Variants in GPD1L observed in about 807,000 individuals in gnomAD.
GPD1L encodes the protein glycerol-3-phosphate dehydrogenase 1-like protein.
Under a neutral mutation model 32.9 loss-of-function variants are expected in GPD1L, and 17 were observed. The ratio of observed to expected loss-of-function variants is 0.52; its 90% CI spans 0.35 to 0.78. The LOEUF (loss-of-function observed/expected upper bound fraction) is 0.78, where lower values mean the gene tolerates loss of function less well. GPD1L is among the 30% of genes least tolerant of loss of function. GPD1L has a pLI of 0.01. For synonymous variants in GPD1L, 187 were observed against 165.9 expected, an observed-to-expected ratio of 1.13 and a Z score of -0.98; for missense variants, 361 against 447.8, an observed-to-expected ratio of 0.81 and a Z score of 1.75.
chr3:32,121,483 TTC>T (rs1559570418), intron 1 of GPD1L, among the ~76,000 whole-genome samples: 14 of 139,878 alleles, frequency 1.0e-4, no homozygotes, highest in Non-Finnish European at 1.7e-4. Context: ...CTATATATAT[TTC>T]TCTCTATATA....
At chr3:32,138,131 C>G (rs1258722454) in intron 2 of GPD1L, among the ~76,000 whole-genome samples, 1 of 152,242 alleles carries the variant, frequency 6.6e-6, no homozygotes, top group African/African-American at 2.4e-5. Context: ...TGACCTGTCT[C>G]TCCTCCCATC....
At chr3:32,111,255 T>G (rs1700241994) in intron 1 of GPD1L, among the ~76,000 whole-genome samples, 2 of 152,208 alleles carry the variant, frequency 1.3e-5, no homozygotes, top group Non-Finnish European at 1.5e-5. Flanking sequence ...CAGGGCTGTA[T>G]TTACAGCCAA....
intron 5 of GPD1L, among the ~76,000 whole-genome samples, chr3:32,147,808 T>A (rs1357705923): frequency 6.6e-6 from 1 of 152,202 alleles, no homozygotes; most frequent in Non-Finnish European, 1.5e-5. Flanking sequence ...CTGTCTATGC[T>A]TTCTCATAAA....
chr3:32,114,796 G>A (rs1018880749), intron 1 of GPD1L, among the ~76,000 whole-genome samples: 1 of 152,134 alleles, frequency 6.6e-6, no homozygotes, highest in Non-Finnish European at 1.5e-5. Flanking sequence ...CTTCCAGTGG[G>A]TTCGTGGTCT....
intron 7 of GPD1L, among the ~76,000 whole-genome samples, chr3:32,165,250 T>C (rs1199478759): frequency 6.6e-6 from 1 of 152,206 alleles, no homozygotes; most frequent in Non-Finnish European, 1.5e-5. Flanking sequence ...ATTATTTCTT[T>C]AGTGATTTTT....
At chr3:32,157,203 G>A (rs1026156977) in intron 5 of GPD1L, among the ~76,000 whole-genome samples, 1 of 151,420 alleles carries the variant, frequency 6.6e-6, no homozygotes, top group African/African-American at 2.4e-5. Context: ...TGCTGTGAAC[G>A]GAAGCTTGTG....
At chr3:32,165,122 C>T (rs1419306524) in intron 7 of GPD1L, among the ~76,000 whole-genome samples, 1 of 152,164 alleles carries the variant, frequency 6.6e-6, no homozygotes. Context: ...AGCAGAATCG[C>T]TTGAATCCAG....
intron 1 of GPD1L, among the ~76,000 whole-genome samples, chr3:32,110,769 A>G (rs1053791768): frequency 9.8e-5 from 15 of 152,366 alleles, no homozygotes; most frequent in Admixed American, 6.5e-4. Flanking sequence ...GGGACTTCCT[A>G]ACCTGCATGA....
intron 7 of GPD1L, among the ~76,000 whole-genome samples, chr3:32,160,745 TGA>T (rs1411018592): frequency 2.6e-5 from 4 of 152,120 alleles, no homozygotes; most frequent in Non-Finnish European, 5.9e-5. Context: ...GCCACCTGAT[TGA>T]GAGAGTGAGC....
chr3:32,163,358 C>T (rs928128065), intron 7 of GPD1L, among the ~76,000 whole-genome samples: 65 of 151,808 alleles, frequency 4.3e-4, no homozygotes, highest in East Asian at 2.9e-3. Flanking sequence ...TTAGTAGAGA[C>T]GGGGTTTCAC....
chr3:32,157,574 G>A (rs1184023973), intron 5 of GPD1L, among the ~76,000 whole-genome samples: 1 of 152,196 alleles, frequency 6.6e-6, no homozygotes, highest in African/African-American at 2.4e-5. Flanking sequence ...CATACCTGTT[G>A]AAACGGAATT....
chr3:32,163,529 A>G (rs1490329776), intron 7 of GPD1L, among the ~76,000 whole-genome samples: 1 of 152,100 alleles, frequency 6.6e-6, no homozygotes, highest in East Asian at 1.9e-4. Context: ...CTCTAACTTT[A>G]TTTAGAGAGT....
chr3:32,158,624 C>T (rs1701027149), intron 5 of GPD1L: 3 of 662,978 alleles, frequency 4.5e-6, no homozygotes, highest in South Asian at 4.1e-5. Context: ...TTCTGATTTT[C>T]TGTCCAATGC....
At chr3:32,110,058 C>T (rs1363180193) in intron 1 of GPD1L, among the ~76,000 whole-genome samples, 1 of 152,258 alleles carries the variant, frequency 6.6e-6, no homozygotes, top group Non-Finnish European at 1.5e-5. Context: ...GCTGGGACTA[C>T]AGGCACCCGC....
Position 32,140,332 on chromosome 3 carries a change from G to A in GPD1L, c.471G>A (p.Glu157=). ...SVLMGANIAN[E]VAAEKFCETT... ...TGATGGGAGCCAACATTGCCAATGA[G>A]GTGGCTGCAGAGAAGTTCTGTGAGA... Residue 157 remains glutamate (E), a synonymous_variant, in exon 4 of 8, where the codon GAG becomes GAA. Coordinates refer to ENST00000282541, the MANE Select transcript of GPD1L (RefSeq NM_015141.4). 6.2e-7 allele frequency: 1 copy of A among 1,614,174 alleles called. No individual in the cohort carries two copies. Among genetic ancestry groups the A allele is most frequent in the Non-Finnish European group, 8.5e-7 (1 of 1,180,018 alleles).
At chr3:32,144,022 G>A (rs1360821877) in intron 4 of GPD1L, among the ~76,000 whole-genome samples, 1 of 152,134 alleles carries the variant, frequency 6.6e-6, no homozygotes, top group Non-Finnish European at 1.5e-5. Context: ...GTGCAGTGTG[G>A]GGTCCTGGAT....
rs938443633 is a variant in GPD1L at position 32,123,092 on chromosome 3, A to G, written c.48-4984A>G. Among the ~76,000 whole-genome samples the G allele has an allele frequency of 7.2e-5, 11 of 151,978 alleles. 1 individual carries two copies. Among genetic ancestry groups the G allele is most frequent in the South Asian group, 2.1e-4 (1 of 4,804 alleles). ...CTAATTTTTTATTTTTTGTAGAGAC[A>G]GGATCTCAGTATGTTGCCCAAGCTG... On this transcript the variant is annotated intron_variant, in intron 1 of 7. Transcript: ENST00000282541.
chr3:32,116,006 T>G (rs189372907), intron 1 of GPD1L, among the ~76,000 whole-genome samples: 1 of 152,112 alleles, frequency 6.6e-6, no homozygotes, highest in East Asian at 1.9e-4. Flanking sequence ...GCCAGGATGG[T>G]CTCGATCTCC....
At chr3:32,123,645 C>G (rs1307507157) in intron 1 of GPD1L, among the ~76,000 whole-genome samples, 1 of 152,112 alleles carries the variant, frequency 6.6e-6, no homozygotes, top group Non-Finnish European at 1.5e-5. Context: ...GTGCCCTTGA[C>G]CCAGCCATGT....
Sources: gnomAD v4.1 joint callset for allele counts (sites outside exome capture counted in the v4.1 genomes callset) on GRCh38, gnomAD v4.1.1 for gene constraint, MANE v1.5 for transcripts, NCBI Gene and HGNC (gene_info 2026-07-23, HGNC 2026-07-21) for gene names.